MNAT1: variants seen among roughly 807,000 people sequenced by gnomAD.
MNAT1 encodes CDK-activating kinase assembly factor MAT1.
Under a neutral mutation model 42.0 loss-of-function variants are expected in MNAT1, and 43 were observed. The observed-to-expected ratio is 1.02, with a 90% CI of 0.80 to 1.32. The LOEUF is 1.32. Ranked by LOEUF, MNAT1 falls within the 40% of genes most tolerant of loss-of-function variation. MNAT1 has a pLI of 0.00. For synonymous variants in MNAT1, 118 were observed against 120.0 expected (o/e 0.98, Z 0.11); for missense variants, 306 against 350.4 (o/e 0.87, Z 1.01).
intron 7 of MNAT1, among the ~76,000 whole-genome samples, chr14:60,899,065 G>A (rs1335925745): frequency 2.6e-5 from 4 of 152,042 alleles, no homozygotes; most frequent in African/African-American, 9.7e-5. Flanking sequence ...TTAATTGGCC[G>A]TAAACATGTG....
intron 7 of MNAT1, among the ~76,000 whole-genome samples, chr14:60,903,934 C>T (rs1484646954): frequency 2.1e-5 from 3 of 144,990 alleles, no homozygotes; most frequent in Non-Finnish European, 4.5e-5. Context: ...TGCAGTGGCA[C>T]AATCTTGGCC....
chr14:60,871,010 A>T (rs1481587266), intron 6 of MNAT1, among the ~76,000 whole-genome samples: 3 of 152,172 alleles, frequency 2.0e-5, no homozygotes, highest in South Asian at 4.1e-4. Flanking sequence ...GGTCCTTCAC[A>T]TCTGGCTTCT....
At chr14:60,868,491 G>A (rs985343877) in intron 6 of MNAT1, among the ~76,000 whole-genome samples, 1 of 152,118 alleles carries the variant, frequency 6.6e-6, no homozygotes, top group Non-Finnish European at 1.5e-5. Flanking sequence ...ATTGTGAGAG[G>A]ACTCAGTTCA....
intron 7 of MNAT1, chr14:60,920,103 C>CTATA (rs2035622318): frequency 6.5e-6 from 1 of 152,830 alleles, no homozygotes; most frequent in Non-Finnish European, 1.5e-5. Flanking sequence ...AGAATCAGTC[C>CTATA]TATAAATGGC....
At chr14:60,813,942 A>G (rs369056522) in intron 5 of MNAT1, among the ~76,000 whole-genome samples, 3 of 152,290 alleles carry the variant, frequency 2.0e-5, no homozygotes, top group East Asian at 3.9e-4. Context: ...TTTTACTTCT[A>G]TATTTTTAAA....
intron 7 of MNAT1, among the ~76,000 whole-genome samples, chr14:60,948,001 C>T (rs186281581): frequency 3.8e-4 from 58 of 152,298 alleles, no homozygotes; most frequent in Admixed American, 1.1e-3. Context: ...CCCTCATAAT[C>T]TTTTCTCTTT....
intron 1 of MNAT1, among the ~76,000 whole-genome samples, chr14:60,760,797 G>T (rs1222417799): frequency 6.6e-6 from 1 of 152,164 alleles, no homozygotes; most frequent in Non-Finnish European, 1.5e-5. Flanking sequence ...AGTACATTGT[G>T]CCCTCTGGTA....
intron 7 of MNAT1, among the ~76,000 whole-genome samples, chr14:60,921,437 T>C (rs1037966710): frequency 6.6e-6 from 1 of 152,198 alleles, no homozygotes; most frequent in Non-Finnish European, 1.5e-5. Context: ...ATTTTTATAA[T>C]ATAGAAAATC....
At chr14:60,877,475 T>A (rs1302538476) in intron 6 of MNAT1, among the ~76,000 whole-genome samples, 1 of 152,038 alleles carries the variant, frequency 6.6e-6, no homozygotes, top group Non-Finnish European at 1.5e-5. Flanking sequence ...TTACCTTTTT[T>A]AAAATAATAA....
chr14:60,954,098 T>C (rs2036435517), intron 7 of MNAT1, among the ~76,000 whole-genome samples: 1 of 152,174 alleles, frequency 6.6e-6, no homozygotes, highest in Admixed American at 6.5e-5. Flanking sequence ...CTGTTTTGAT[T>C]ACTTTAGCTT....
chr14:60,758,386 A>G lies in MNAT1; in HGVS notation c.89+23435A>G, dbSNP rs530986776. 8.6e-5 allele frequency among the ~76,000 whole-genome samples: 13 copies of G among 151,952 alleles called. No homozygotes were observed. The South Asian group carries it at 2.5e-3, about 29-fold the overall frequency. On this transcript the variant is annotated intron_variant, in intron 1 of 7. Transcript: ENST00000261245. ...ACACCTGGCTAATTTATCTTTTTGT[A>G]GAGACAGAGTCTTACTGTGTTGCCC...
chr14:60,849,412 A>T (rs1005274326), intron 6 of MNAT1, among the ~76,000 whole-genome samples: 4 of 152,206 alleles, frequency 2.6e-5, no homozygotes, highest in African/African-American at 9.6e-5. Flanking sequence ...CTGAATCCTG[A>T]TAGTCTTGTT....
chr14:60,911,046 G>A (rs922892243), intron 7 of MNAT1, among the ~76,000 whole-genome samples: 1 of 152,178 alleles, frequency 6.6e-6, no homozygotes, highest in Non-Finnish European at 1.5e-5. Flanking sequence ...TCCTGGTTTA[G>A]TCTTGGGAGG....
rs2032013748 is a variant in MNAT1 at position 60,796,212 on chromosome 14, T to TA, written c.90-4dup. On this transcript the variant is annotated splice_region_variant and splice_polypyrimidine_tract_variant and intron_variant, in intron 1 of 7. Transcript: ENST00000261245. ...AAATGTTATGTTTTATTTCTGTCCTTACAGCTGTGAAAGTTGTGTAGATTT... is the reference window on the plus strand; with the variant it reads ...AAATGTTATGTTTTATTTCTGTCCTTAACAGCTGTGAAAGTTGTGTAGATTT... 3.1e-6 allele frequency: 5 copies of TA among 1,610,106 alleles called. No individual in the cohort carries two copies. The African/African-American group carries it at 5.3e-5, about 17-fold the overall frequency.
At chr14:60,925,082 T>C (rs1239178025) in intron 7 of MNAT1, among the ~76,000 whole-genome samples, 1 of 152,200 alleles carries the variant, frequency 6.6e-6, no homozygotes, top group Non-Finnish European at 1.5e-5. Context: ...TGAAAGTATT[T>C]GGGGAGAAAA....
intron 7 of MNAT1, among the ~76,000 whole-genome samples, chr14:60,881,689 A>G (rs1026661614): frequency 6.6e-6 from 1 of 152,076 alleles, no homozygotes; most frequent in South Asian, 2.1e-4. Context: ...ACAGTGGGCT[A>G]TGGGAGATAT....
At chr14:60,830,787 ACTT>A (rs1226043187) in intron 6 of MNAT1, among the ~76,000 whole-genome samples, 4 of 145,656 alleles carry the variant, frequency 2.7e-5, no homozygotes, top group Non-Finnish European at 6.0e-5. Context: ...GGTCCTCACC[ACTT>A]CTTCTGCCTT....
At chr14:60,861,312 G>A (rs1334244896) in intron 6 of MNAT1, among the ~76,000 whole-genome samples, 3 of 152,024 alleles carry the variant, frequency 2.0e-5, no homozygotes, top group African/African-American at 7.2e-5. Flanking sequence ...GAATTCATTG[G>A]ATATAGGGAG....
At chr14:60,916,971 TA>T (rs1237791364) in intron 7 of MNAT1, among the ~76,000 whole-genome samples, 1 of 151,880 alleles carries the variant, frequency 6.6e-6, no homozygotes, top group African/African-American at 2.4e-5. Flanking sequence ...TTAAAAAAAT[TA>T]AAAAACAAAA....
Sources: gnomAD v4.1 joint callset for allele counts (sites outside exome capture counted in the v4.1 genomes callset) on GRCh38, gnomAD v4.1.1 for gene constraint, MANE v1.5 for transcripts, NCBI Gene and HGNC (gene_info 2026-07-23, HGNC 2026-07-21) for gene names.